The following CLMP variants were observed in gnomAD, a reference collection of about 807,000 sequenced individuals.
CLMP encodes the protein CXADR-like membrane protein.
CLMP carries 27 observed loss-of-function variants against 45.2 expected under a neutral mutation model. The ratio of observed to expected loss-of-function variants is 0.60; its 90% CI spans 0.44 to 0.82. The LOEUF is 0.82. Ranked by LOEUF, CLMP falls within the 40% of genes least tolerant of loss-of-function variation. CLMP has a pLI of 0.00. For missense variants in CLMP, 403 were observed against 448.4 expected, an observed-to-expected ratio of 0.90 and a Z score of 0.91; for synonymous variants, 167 against 171.4, an observed-to-expected ratio of 0.97 and a Z score of 0.20.
In CLMP at chr11:123,080,850, ATTAAT is replaced by A. The variant is rs1178603990; in HGVS notation, c.679+2230_679+2234del. On this transcript the variant is annotated intron_variant, in intron 5 of 6. Coordinates refer to ENST00000448775, the MANE Select transcript of CLMP (RefSeq NM_024769.5). The stretch of plus-strand genomic sequence containing the variant: ...ACAAATTAAAGGTTTTATTTAACTT[ATTAAT>A]AAGGGGGCGCTGGGTGTGGTGGCTC... 9.9e-5 allele frequency among the ~76,000 whole-genome samples: 15 copies of A among 152,050 alleles called. No homozygotes were observed. In the East Asian group the frequency reaches 2.9e-3, roughly 30 times the overall value.
chr11:123,109,798 C>A (rs11218988), intron 1 of CLMP, among the ~76,000 whole-genome samples: 1 of 151,982 alleles, frequency 6.6e-6, no homozygotes, highest in African/African-American at 2.4e-5. Flanking sequence ...TTCCAAACAC[C>A]GAGTAACATC....
chr11:123,114,697 A>G (rs148633356), intron 1 of CLMP, among the ~76,000 whole-genome samples: 2 of 152,200 alleles, frequency 1.3e-5, no homozygotes, highest in African/African-American at 4.8e-5. Context: ...AAACCCCCAA[A>G]TGTAACACTT....
At chr11:123,128,035 C>T (rs1336884950) in intron 1 of CLMP, among the ~76,000 whole-genome samples, 6 of 91,864 alleles carry the variant, frequency 6.5e-5, no homozygotes, top group Non-Finnish European at 2.1e-5. Context: ...GACTCTGTCT[C>T]AAAAAAAAAA....
chr11:123,079,077 C>T (rs1485757952), intron 5 of CLMP, among the ~76,000 whole-genome samples: 1 of 152,092 alleles, frequency 6.6e-6, no homozygotes, highest in African/African-American at 2.4e-5. Flanking sequence ...CGTGCCTGGC[C>T]AGAAACAGGT....
intron 1 of CLMP, among the ~76,000 whole-genome samples, chr11:123,100,806 CTT>C (rs199550423): frequency 6.6e-6 from 1 of 151,654 alleles, no homozygotes. Flanking sequence ...CCCAAAAACA[CTT>C]TTTTTTTCCT....
chr11:123,083,979 A>C, intron 3 of CLMP, 132 bp from the exon 4 acceptor site: 1 of 989,390 alleles, frequency 1.0e-6, no homozygotes, highest in Non-Finnish European at 1.5e-6. Context: ...GTGGGGATTC[A>C]ACTAGCCTTG....
intron 1 of CLMP, among the ~76,000 whole-genome samples, chr11:123,105,829 T>G (rs1860537724): frequency 6.6e-6 from 1 of 151,268 alleles, no homozygotes; most frequent in South Asian, 2.1e-4. Context: ...TTTTGTTTTT[T>G]TTTTTTTGAG....
intron 1 of CLMP, among the ~76,000 whole-genome samples, chr11:123,109,797 C>T (rs1860613644): frequency 1.3e-5 from 2 of 152,154 alleles, no homozygotes; most frequent in African/African-American, 2.4e-5. Context: ...GTTCCAAACA[C>T]CGAGTAACAT....
Position 123,150,479 on chromosome 11 carries a change from G to GAA in CLMP, c.28+44432_28+44433dup, listed in dbSNP as rs753532614. On this transcript the variant is annotated intron_variant, in intron 1 of 6. Transcript: ENST00000448775. ...AGAAAGAAAGAAAGAAAGAAAGAAAGAAAGGAAGGAAGGAAGGAAGGAAGG... is the reference window on the plus strand; with the variant it reads ...AGAAAGAAAGAAAGAAAGAAAGAAAGAAAAAGGAAGGAAGGAAGGAAGGAAGG... 1.2e-3 allele frequency among the ~76,000 whole-genome samples: 125 copies of GAA among 106,594 alleles called. 5 individuals carry two copies. The highest frequency in any genetic ancestry group is 1.9e-3 in the Non-Finnish European group (92 of 49,276). 69.9% of individuals were successfully genotyped at this position (106,594 alleles called of 152,430 possible). A position where few individuals can be genotyped will look rare whatever the true frequency, so the allele number is the denominator to read the frequency against.
At chr11:123,177,770 C>T (rs1174472097) in intron 1 of CLMP, among the ~76,000 whole-genome samples, 1 of 152,156 alleles carries the variant, frequency 6.6e-6, no homozygotes, top group East Asian at 1.9e-4. Flanking sequence ...ATATATGAAA[C>T]TCAACCAATT....
At chr11:123,088,509 C>A (rs77444923) in intron 2 of CLMP, among the ~76,000 whole-genome samples, 12,577 of 152,152 alleles carry the variant, frequency 0.083, 1,108 homozygotes, top group African/African-American at 0.22. Flanking sequence ...TGAAGAGAGG[C>A]AAAACCTACA....
chr11:123,086,017 T>G (rs577235866), intron 2 of CLMP, among the ~76,000 whole-genome samples: 13 of 152,214 alleles, frequency 8.5e-5, no homozygotes, highest in African/African-American at 3.1e-4. Flanking sequence ...CCTCAGATGA[T>G]CTGCCTGCCT....
chr11:123,156,859 C>G (rs1053674900), intron 1 of CLMP, among the ~76,000 whole-genome samples: 6 of 152,220 alleles, frequency 3.9e-5, no homozygotes, highest in Non-Finnish European at 5.9e-5. Flanking sequence ...GGATACCAAT[C>G]ACTGCTTGGA....
chr11:123,069,899 G>T lies in CLMP; in HGVS notation c.*3575C>A, dbSNP rs1439675464. 5 of 152,088 alleles carry T rather than the reference G, an allele frequency of 3.3e-5. No individual in the cohort carries two copies. Among genetic ancestry groups the T allele is most frequent in the Admixed American group, 3.3e-4 (5 of 15,246 alleles). 9.4% of individuals were successfully genotyped at this position (152,088 alleles called of 1,614,324 possible). A position where few individuals can be genotyped will look rare whatever the true frequency, so the allele number is the denominator to read the frequency against. On this transcript the variant is annotated 3_prime_UTR_variant, in exon 7 of 7. Transcript: ENST00000448775. ...ACTTTTACTTGTTTATTTTTTAATT[G>T]CTGATACAGATGCATCCATAATAAA... is the stretch of plus-strand genomic sequence containing the variant.
At chr11:123,158,208 G>A (rs530310190) in intron 1 of CLMP, among the ~76,000 whole-genome samples, 4 of 152,270 alleles carry the variant, frequency 2.6e-5, no homozygotes, top group African/African-American at 7.2e-5. Context: ...GGCAAGTCAC[G>A]TACTGCCTCT....
At chr11:123,156,034 T>C (rs1276485427) in intron 1 of CLMP, among the ~76,000 whole-genome samples, 2 of 152,144 alleles carry the variant, frequency 1.3e-5, no homozygotes, top group Non-Finnish European at 2.9e-5. Flanking sequence ...GTTCTAACCC[T>C]CAATGTGGCT....
At chr11:123,137,147 CTTTTTTTTT>C (rs375816483) in intron 1 of CLMP, among the ~76,000 whole-genome samples, 1 of 82,466 alleles carries the variant, frequency 1.2e-5, no homozygotes, top group Non-Finnish European at 2.2e-5. Context: ...TTTTCTTTTT[CTTTTTTTTT>C]TTTTTTTTTT....
In CLMP at chr11:123,084,638, T is replaced by A. The variant is rs1399784576; in HGVS notation, c.262A>T (p.Asn88Tyr). The change falls in exon 3 of 7, where the codon AAT (asparagine) becomes TAT (tyrosine). Residue 88 changes from asparagine (N) to tyrosine (Y), a missense_variant. Physicochemically the swap from Asn to Tyr is moderately radical, Grantham distance 143. Coordinates refer to ENST00000448775, the MANE Select transcript of CLMP (RefSeq NM_024769.5). ...EQKGRVAFAS[N>Y]FLAGDASLQI... Reference sequence around the variant, plus strand: ...AAGGAGGCATCTCCTGCCAGGAAATTGGAAGCAAAGGCCACTCGGCCCTTC... The same window carrying A: ...AAGGAGGCATCTCCTGCCAGGAAATAGGAAGCAAAGGCCACTCGGCCCTTC... 6.2e-7 allele frequency: 1 copy of A among 1,614,224 alleles called. No individual in the cohort carries two copies. Among genetic ancestry groups the A allele is most frequent in the East Asian group, 2.2e-5 (1 of 44,886 alleles).
intron 1 of CLMP, among the ~76,000 whole-genome samples, chr11:123,150,199 TAAAC>T (rs1453119313): frequency 4.1e-5 from 5 of 121,732 alleles, no homozygotes; most frequent in East Asian, 2.4e-4. Flanking sequence ...ACACACACAC[TAAAC>T]ACACACACAC....
Sources: gnomAD v4.1 joint callset for allele counts (sites outside exome capture counted in the v4.1 genomes callset) on GRCh38, gnomAD v4.1.1 for gene constraint, MANE v1.5 for transcripts, NCBI Gene and HGNC (gene_info 2026-07-23, HGNC 2026-07-21) for gene names.